The following PPME1 variants were observed in gnomAD, a reference collection of about 807,000 sequenced individuals.
The protein encoded by PPME1 is testicular secretory protein Li 39.
In PPME1, 17 loss-of-function variants were observed where a neutral mutation model predicts 56.9. The ratio of observed to expected loss-of-function variants is 0.30; its 90% CI spans 0.20 to 0.45. PPME1 has a LOEUF of 0.45. Among genes scored for constraint, PPME1 ranks in the 20% least tolerant of loss-of-function variants. The probability of loss-of-function intolerance (pLI) is 1.00; values close to 1 mark genes in which losing one functional copy is unlikely to be tolerated. For missense variants in PPME1, 357 were observed against 483.2 expected, an observed-to-expected ratio of 0.74 and a Z score of 2.45; for synonymous variants, 122 against 156.2, an observed-to-expected ratio of 0.78 and a Z score of 1.63.
chr11:74,240,016 T>C (rs1859316279), intron 9 of PPME1, among the ~76,000 whole-genome samples: 1 of 146,778 alleles, frequency 6.8e-6, no homozygotes, highest in Non-Finnish European at 1.5e-5. Context: ...CCAGGCTGAA[T>C]TCCTTGGCTC....
intron 1 of PPME1, among the ~76,000 whole-genome samples, chr11:74,186,454 C>A (rs1182044924): frequency 2.6e-5 from 4 of 152,078 alleles, no homozygotes; most frequent in Non-Finnish European, 5.9e-5. Context: ...AAGGAAATAA[C>A]CCTGAGAGTC....
At chr11:74,208,313 G>GAA (rs534209366) in intron 3 of PPME1, among the ~76,000 whole-genome samples, 144 of 110,114 alleles carry the variant, frequency 1.3e-3, no homozygotes, top group Middle Eastern at 4.6e-3. Flanking sequence ...TCTGTCTCAA[G>GAA]AAAAAAAAAA....
At chr11:74,215,320 A>T (rs1157677181) in intron 3 of PPME1, among the ~76,000 whole-genome samples, 2 of 152,208 alleles carry the variant, frequency 1.3e-5, no homozygotes, top group African/African-American at 4.8e-5. Flanking sequence ...AGCCTAGGCA[A>T]CTTGAGACCC....
chr11:74,231,596 T>G (rs1483719136), intron 7 of PPME1, among the ~76,000 whole-genome samples: 1 of 152,220 alleles, frequency 6.6e-6, no homozygotes, highest in African/African-American at 2.4e-5. Flanking sequence ...CCCATTGTTT[T>G]CCCAATACAC....
At chr11:74,235,719 A>G in intron 7 of PPME1, 182 bp from the exon 8 acceptor site, 6 of 962,596 alleles carry the variant, frequency 6.2e-6, no homozygotes, top group Non-Finnish European at 8.8e-6. Flanking sequence ...TTTTTACTTA[A>G]TTTTTACTTA....
chr11:74,217,255 A>G (rs1042571854), intron 3 of PPME1, among the ~76,000 whole-genome samples: 6 of 152,168 alleles, frequency 3.9e-5, no homozygotes, highest in Admixed American at 2.6e-4. Flanking sequence ...TACAAAGATT[A>G]TTCAGGCTGG....
chr11:74,202,504 G>GTT (rs1858197054), intron 1 of PPME1, among the ~76,000 whole-genome samples: 3 of 152,132 alleles, frequency 2.0e-5, no homozygotes, highest in Non-Finnish European at 4.4e-5. Context: ...TTTATATTAA[G>GTT]TTTTTAGAAA....
rs368810960 is a variant in PPME1, at chr11:74,244,082, A to G, written c.835-1994A>G. Among the ~76,000 whole-genome samples the G allele has an allele frequency of 2.6e-5, 4 of 152,318 alleles. No homozygotes were observed. In the South Asian group the frequency reaches 8.3e-4, roughly 32 times the overall value. Reference sequence around the variant, plus strand: ...ACTTGGCATAATGTCCTCAAAGTTCAGTCCCTATGCAGCATGTGATAGCAT... The same window carrying G: ...ACTTGGCATAATGTCCTCAAAGTTCGGTCCCTATGCAGCATGTGATAGCAT... On this transcript the variant is annotated intron_variant, in intron 9 of 13. Coordinates refer to ENST00000328257, the MANE Select transcript of PPME1 (RefSeq NM_016147.3).
At chr11:74,200,330 C>A (rs1211281122) in intron 1 of PPME1, among the ~76,000 whole-genome samples, 1 of 150,850 alleles carries the variant, frequency 6.6e-6, no homozygotes, top group Non-Finnish European at 1.5e-5. Flanking sequence ...TAATTGAAGT[C>A]TTCTAGTTTA....
intron 12 of PPME1, chr11:74,251,225 ACT>A (rs1859650903): frequency 1.4e-6 from 2 of 1,400,984 alleles, no homozygotes; most frequent in Non-Finnish European, 1.9e-6. Context: ...AGCTACTGAC[ACT>A]CTGCTATTTC....
At chr11:74,246,242 T>C in intron 10 of PPME1, 37 bp downstream of exon 10, 4 of 1,509,588 alleles carry the variant, frequency 2.6e-6, no homozygotes, top group Non-Finnish European at 3.6e-6. Flanking sequence ...CAGCTCAGGC[T>C]GCCATAACCA....
intron 7 of PPME1, among the ~76,000 whole-genome samples, chr11:74,235,297 G>A (rs544925967): frequency 3.3e-5 from 5 of 152,202 alleles, no homozygotes; most frequent in East Asian, 1.9e-4. Context: ...CCTGTAGCAC[G>A]GCACACAAGG....
At position 74,204,395 on chromosome 11, in the gene PPME1, C is replaced by G; in HGVS notation, c.238C>G (p.Leu80Val). The part of the protein sequence containing the change: ...YKSGSEGPVL[L>V]LLHGGGHSAL... ...GAGTGGTTCAGAGGGTCCAGTCCTG[C>G]TCCTTCTGCATGGAGGAGGTCATTC... The change falls in exon 3 of 14, where the codon CTC becomes GTC. Residue 80 changes from leucine to valine, a missense_variant. Physicochemically the swap from Leu to Val is conservative, Grantham distance 32 (BLOSUM62 1). Around this residue, in one of 2 missense-constraint regions of PPME1, gnomAD observed 175 missense variants for 189.4 expected, o/e 0.92. Coordinates refer to ENST00000328257, the MANE Select transcript of PPME1 (RefSeq NM_016147.3). The G allele has an allele frequency of 6.2e-7, 1 of 1,613,526 alleles. No individual in the cohort carries two copies. Among genetic ancestry groups the G allele is most frequent in the Non-Finnish European group, 8.5e-7 (1 of 1,179,584 alleles).
At chr11:74,172,046 G>C (rs111659397) in intron 1 of PPME1, among the ~76,000 whole-genome samples, 2,583 of 152,266 alleles carry the variant, frequency 0.017, 40 homozygotes, top group African/African-American at 0.03. Flanking sequence ...GAAGGAAAGA[G>C]GAGAACTAGG....
chr11:74,181,822 G>A (rs1857547378), intron 1 of PPME1, among the ~76,000 whole-genome samples: 1 of 152,188 alleles, frequency 6.6e-6, no homozygotes, highest in Non-Finnish European at 1.5e-5. Flanking sequence ...GGCCATGTTA[G>A]TCTCTGTTGC....
intron 3 of PPME1, among the ~76,000 whole-genome samples, chr11:74,206,448 A>G (rs1176703888): frequency 6.6e-6 from 1 of 152,272 alleles, no homozygotes; most frequent in Non-Finnish European, 1.5e-5. Context: ...TGTCTAGAGA[A>G]GAGCAATCAA....
chr11:74,204,076 A>G lies in PPME1; in HGVS notation c.195+255A>G, dbSNP rs147986353. On this transcript the variant is annotated intron_variant, in intron 2 of 13. Coordinates refer to ENST00000328257, the MANE Select transcript of PPME1 (RefSeq NM_016147.3). ...TCTTAGGGGCCCAGGGGAAGGTTTC[A>G]TGAGTCAAGTGAGTTGAACTAGTTT... is the stretch of plus-strand genomic sequence containing the variant. Among the ~76,000 whole-genome samples, 226 of 152,186 alleles carry G rather than the reference A, an allele frequency of 1.5e-3. No individual in the cohort carries two copies. Among genetic ancestry groups the G allele is most frequent in the Non-Finnish European group, 2.7e-3 (186 of 68,000 alleles).
intron 1 of PPME1, among the ~76,000 whole-genome samples, chr11:74,182,615 C>T (rs1471122679): frequency 6.6e-6 from 1 of 152,128 alleles, no homozygotes; most frequent in Non-Finnish European, 1.5e-5. Flanking sequence ...CCACCTTGGC[C>T]TCCTAAAGCA....
chr11:74,206,143 A>G (rs1469844456), intron 3 of PPME1, among the ~76,000 whole-genome samples: 2 of 152,174 alleles, frequency 1.3e-5, no homozygotes, highest in African/African-American at 2.4e-5. Flanking sequence ...ATAGATTGCA[A>G]AATTTTTTGG....
Sources: allele counts gnomAD v4.1 joint callset (sites outside exome capture counted in the v4.1 genomes callset), GRCh38; gene constraint gnomAD v4.1.1; regional missense constraint gnomAD v4.1.1; transcripts MANE v1.5; gene names NCBI Gene and HGNC (gene_info 2026-07-23, HGNC 2026-07-21).